Variants in REPS1 observed in about 807,000 individuals in gnomAD.
REPS1 encodes ralBP1-associated Eps domain-containing protein 1.
Under a neutral mutation model 100.9 loss-of-function variants are expected in REPS1, and 39 were observed. The observed-to-expected ratio is 0.39, with a 90% CI of 0.30 to 0.50. The LOEUF (loss-of-function observed/expected upper bound fraction) is 0.50. Ranked by LOEUF, REPS1 falls within the 20% of genes least tolerant of loss-of-function variation. The pLI, the probability that REPS1 is intolerant of heterozygous loss-of-function variation, is 0.86. For missense variants in REPS1, 821 were observed against 968.5 expected (o/e 0.85, Z 2.02); for synonymous variants, 324 against 340.3 (o/e 0.95, Z 0.53).
At position 138,903,527 on chromosome 6, in the gene REPS1, G is replaced by A. The variant is rs1349806196; in HGVS notation, c.*1537C>T. The A allele has an allele frequency of 6.6e-6, 1 of 152,046 alleles. No homozygotes were observed. The highest frequency in any genetic ancestry group is 2.4e-5 in the African/African-American group (1 of 41,400). The allele number at this position is 152,046 out of a possible 1,614,324, so 9.4% of individuals were successfully genotyped here. ...ATTTTTAAGTGTTATTTATTGGAAGGCTAAATTCTAAGAAGCTTTAACAAA... is the reference window on the plus strand; with the variant it reads ...ATTTTTAAGTGTTATTTATTGGAAGACTAAATTCTAAGAAGCTTTAACAAA... On this transcript the variant is annotated 3_prime_UTR_variant, in exon 20 of 20. Coordinates refer to ENST00000450536, the MANE Select transcript of REPS1 (RefSeq NM_001286611.2).
chr6:138,910,395 C>A (rs9389632), intron 17 of REPS1, among the ~76,000 whole-genome samples: 10,808 of 152,172 alleles, frequency 0.071, 745 homozygotes, highest in East Asian at 0.33. Context: ...CACTCTGTCA[C>A]CCAGGGTGGA....
At chr6:138,978,694 T>C (rs907948635) in intron 1 of REPS1, among the ~76,000 whole-genome samples, 2 of 152,146 alleles carry the variant, frequency 1.3e-5, no homozygotes, top group Non-Finnish European at 2.9e-5. Context: ...TTGAAGCTAA[T>C]GTGAATGTAT....
At chr6:138,925,190 T>C (rs12179085) in intron 10 of REPS1, among the ~76,000 whole-genome samples, 5 of 147,988 alleles carry the variant, frequency 3.4e-5, no homozygotes, top group South Asian at 2.2e-4. Context: ...TACTAAAAAA[T>C]ACACACACAC....
chr6:138,987,801 C>T lies in REPS1; in HGVS notation c.-119G>A, dbSNP rs909975379. On this transcript the variant is annotated 5_prime_UTR_variant, in exon 1 of 20. Coordinates refer to ENST00000450536, the MANE Select transcript of REPS1 (RefSeq NM_001286611.2). Reference sequence around the variant, plus strand: ...CCTCCTGCTAGCTTCCCGAAAACGCCGGCCCCGGCCTCACACGCGCCAGGT... The same window carrying T: ...CCTCCTGCTAGCTTCCCGAAAACGCTGGCCCCGGCCTCACACGCGCCAGGT... 12 of 1,278,700 alleles carry T rather than the reference C, an allele frequency of 9.4e-6. No individual in the cohort carries two copies. The African/African-American group carries it at 1.4e-4, about 15-fold the overall frequency. The allele number at this position is 1,278,700 out of a possible 1,614,324, so 79.2% of individuals were successfully genotyped here.
chr6:138,964,642 T>C (rs1403892288), intron 1 of REPS1, among the ~76,000 whole-genome samples: 1 of 151,870 alleles, frequency 6.6e-6, no homozygotes, highest in Non-Finnish European at 1.5e-5. Context: ...ATTTTAAAAA[T>C]AGACAAGAAA....
At position 138,955,364 on chromosome 6, in the gene REPS1, T is replaced by C. The variant is rs73563019; in HGVS notation, c.154-7451A>G. Among the ~76,000 whole-genome samples the C allele has an allele frequency of 4.5e-3, 684 of 151,526 alleles. 7 individuals are homozygous for C. Among genetic ancestry groups the C allele is most frequent in the African/African-American group, 0.016 (640 of 41,238 alleles). ...TAGGGAAGCTGAGGTAGGAAGATCA[T>C]TTGAGCCCAGGAGCTCCAGACTGCA... is the stretch of plus-strand genomic sequence containing the variant. On this transcript the variant is annotated intron_variant, in intron 1 of 19. Transcript: ENST00000450536.
rs1278442844 is a variant in REPS1, at chr6:138,912,861, T to C, written c.1875A>G (p.Pro625=). The C allele has an allele frequency of 6.2e-7, 1 of 1,614,166 alleles. No individual in the cohort carries two copies. The highest frequency in any genetic ancestry group is 8.5e-7 in the Non-Finnish European group (1 of 1,180,030). ...CAAACTGACTGAAATCTGCAAAATT[T>C]GGTTGCTCTGGTATCTGCTGAGGTG... ...STSPQQIPEQ[P]NFADFSQFEV... The change falls in exon 16 of 20, where the codon CCA becomes CCG. Residue 625 remains proline, a synonymous_variant. Transcript: ENST00000450536.
chr6:138,943,830 A>T, intron 6 of REPS1, 23 bp downstream of exon 6: 1 of 1,602,532 alleles, frequency 6.2e-7, no homozygotes, highest in African/African-American at 1.3e-5. Context: ...CATCTAGAAG[A>T]ACTTCTGTTT....
At chr6:138,913,607 CAAAGGAAGT>C (rs1335800950) in intron 15 of REPS1, among the ~76,000 whole-genome samples, 1 of 152,124 alleles carries the variant, frequency 6.6e-6, no homozygotes, top group African/African-American at 2.4e-5. Flanking sequence ...TGTTTTATGA[CAAAGGAAGT>C]AAAGGATACT....
At chr6:138,932,972 T>G (rs939112991) in intron 8 of REPS1, among the ~76,000 whole-genome samples, 1 of 152,176 alleles carries the variant, frequency 6.6e-6, no homozygotes, top group African/African-American at 2.4e-5. Flanking sequence ...GCAAATGCAC[T>G]TTTTAAATAT....
Position 138,944,001 on chromosome 6 carries a change from T to A in REPS1, c.768A>T (p.Val256=). ...CAGTTGTAGCTGATGCTACAGTTCGTACTGTTGTCTGGTCCTGTAATGAAA... is the reference window on the plus strand; with the variant it reads ...CAGTTGTAGCTGATGCTACAGTTCGAACTGTTGTCTGGTCCTGTAATGAAA... ...HPASVQDQTT[V]RTVASATTAI... The change falls in exon 6 of 20, where the codon GTA becomes GTT. Residue 256 remains valine (V), a synonymous_variant. Transcript: ENST00000450536. The A allele has an allele frequency of 6.2e-7, 1 of 1,613,924 alleles. No individual in the cohort carries two copies. Among genetic ancestry groups the A allele is most frequent in the Non-Finnish European group, 8.5e-7 (1 of 1,179,886 alleles).
intron 1 of REPS1, among the ~76,000 whole-genome samples, chr6:138,971,743 A>G (rs1425941109): frequency 6.6e-6 from 1 of 152,128 alleles, no homozygotes; most frequent in Non-Finnish European, 1.5e-5. Context: ...CATGCCCAGA[A>G]TGTTGATTGG....
At chr6:138,944,119 T>C in intron 5 of REPS1, 104 bp from the exon 6 acceptor site, 1 of 1,071,098 alleles carries the variant, frequency 9.3e-7, no homozygotes. Context: ...GCTTTTTGTG[T>C]ATATTTAAAA....
chr6:138,925,894 C>T (rs936709587), intron 10 of REPS1, among the ~76,000 whole-genome samples: 1 of 152,132 alleles, frequency 6.6e-6, no homozygotes, highest in Non-Finnish European at 1.5e-5. Context: ...TTTGCATAAG[C>T]GGAATATTTG....
rs1320628837 is a variant in REPS1, at chr6:138,904,523, A to G, written c.*541T>C. 6.6e-6 allele frequency: 1 copy of G among 152,244 alleles called. No homozygotes were observed. The highest frequency in any genetic ancestry group is 6.5e-5 in the Admixed American group (1 of 15,280). 9.4% of individuals were successfully genotyped at this position (152,244 alleles called of 1,614,324 possible). On this transcript the variant is annotated 3_prime_UTR_variant, in exon 20 of 20. Coordinates refer to ENST00000450536, the MANE Select transcript of REPS1 (RefSeq NM_001286611.2). Reference sequence around the variant, plus strand: ...TTGTATTTGTCACAAGTTGACATGTAAAAGAGGCTTCAATGTACCACATGA... The same window carrying G: ...TTGTATTTGTCACAAGTTGACATGTGAAAGAGGCTTCAATGTACCACATGA...
Position 138,921,127 on chromosome 6 carries a change from A to G in REPS1, c.1339-3T>C, listed in dbSNP as rs1180207058. On this transcript the variant is annotated splice_polypyrimidine_tract_variant and splice_region_variant and intron_variant, in intron 10 of 19. Coordinates refer to ENST00000450536, the MANE Select transcript of REPS1 (RefSeq NM_001286611.2). Reference sequence around the variant, plus strand: ...ACTGGATGAACAATAGCAGTATCCTAGAGACAAATGGGAGGAAATAAAGAA... The same window carrying G: ...ACTGGATGAACAATAGCAGTATCCTGGAGACAAATGGGAGGAAATAAAGAA... 6.4e-7 allele frequency: 1 copy of G among 1,568,052 alleles called. No individual in the cohort carries two copies. The highest frequency in any genetic ancestry group is 1.7e-5 in the Admixed American group (1 of 57,394).
chr6:138,973,802 T>C lies in REPS1; in HGVS notation c.153+13728A>G, dbSNP rs543712708. Among the ~76,000 whole-genome samples, 4 of 152,184 alleles carry C rather than the reference T, an allele frequency of 2.6e-5. No individual in the cohort carries two copies. The East Asian group carries it at 5.8e-4, about 22-fold the overall frequency. ...TAAAGGGCCACAAACAATGCTGATG[T>C]AGTAGGCACTACATCAGCATTAATT... is the stretch of plus-strand genomic sequence containing the variant. On this transcript the variant is annotated intron_variant, in intron 1 of 19. Transcript: ENST00000450536.
intron 17 of REPS1, among the ~76,000 whole-genome samples, chr6:138,909,920 A>G (rs915409032): frequency 4.6e-5 from 7 of 152,202 alleles, no homozygotes; most frequent in Non-Finnish European, 2.9e-5. Context: ...TGCTGTTTTT[A>G]TAACTATTGG....
At chr6:138,978,624 T>C (rs1784737112) in intron 1 of REPS1, among the ~76,000 whole-genome samples, 1 of 152,198 alleles carries the variant, frequency 6.6e-6, no homozygotes, top group South Asian at 2.1e-4. Flanking sequence ...TTTGTAGTTT[T>C]AAATACAAAA....
Sources: gnomAD v4.1 joint callset for allele counts (sites outside exome capture counted in the v4.1 genomes callset) on GRCh38, gnomAD v4.1.1 for gene constraint, MANE v1.5 for transcripts, NCBI Gene and HGNC (gene_info 2026-07-23, HGNC 2026-07-21) for gene names.